GYPB: variants seen among roughly 807,000 people sequenced by gnomAD.
GYPB encodes glycophorin B (MNS blood group), also known as glycophorin-B.
In GYPB, 13 loss-of-function variants were observed where a neutral mutation model predicts 15.3. The ratio of observed to expected loss-of-function variants is 0.85; its 90% CI spans 0.55 to 1.35. GYPB has a LOEUF of 1.35. Ranked by LOEUF, GYPB falls within the 40% of genes most tolerant of loss-of-function variation. The pLI is 0.00. For synonymous variants in GYPB, 38 were observed against 36.9 expected (o/e 1.03, Z -0.11); for missense variants, 131 against 108.3 (o/e 1.21, Z -0.93).
chr4:144,017,617 A>T (rs879890547), intron 1 of GYPB, among the ~76,000 whole-genome samples: 52 of 148,816 alleles, frequency 3.5e-4, no homozygotes, highest in Non-Finnish European at 6.4e-4. Context: ...GTAGAAATTT[A>T]AAAAAAAAAT....
Position 144,002,713 on chromosome 4 carries a change from A to G in GYPB, c.38-1430T>C, listed in dbSNP as rs558986370. 8 of 1,285,290 alleles carry G rather than the reference A, an allele frequency of 6.2e-6. 1 individual carries two copies. Among genetic ancestry groups the G allele is most frequent in the South Asian group, 4.9e-5 (4 of 80,952 alleles). The allele number at this position is 1,285,290 out of a possible 1,614,324, so 79.6% of individuals were successfully genotyped here. On this transcript the variant is annotated intron_variant, in intron 1 of 4. Transcript: ENST00000502664. ...AAGTTTCCTGGAGAGCACACAAATA[A>G]CAGAAAACATCTTCTCTGACACCTC...
chr4:144,017,674 C>T (rs1728577502), intron 1 of GYPB, among the ~76,000 whole-genome samples: 3 of 151,314 alleles, frequency 2.0e-5, no homozygotes, highest in Admixed American at 6.6e-5. Flanking sequence ...ACTTGTAAGT[C>T]ACACAGAGTT....
intron 2 of GYPB, chr4:144,000,526 G>C (rs1727571152): frequency 2.2e-6 from 1 of 446,388 alleles, no homozygotes; most frequent in African/African-American, 2.2e-5. Context: ...TGACTGCGTG[G>C]ACATACAGCG....
At chr4:144,000,367 A>C in intron 2 of GYPB, 1 of 740,818 alleles carries the variant, frequency 1.3e-6, no homozygotes. Flanking sequence ...GAAACTATTT[A>C]AAACTAAGAA....
intron 1 of GYPB, among the ~76,000 whole-genome samples, chr4:144,013,559 C>T (rs1435563147): frequency 6.6e-6 from 1 of 151,134 alleles, no homozygotes; most frequent in Non-Finnish European, 1.5e-5. Context: ...GAAAATGTGG[C>T]ACATTTACAC....
At chr4:143,996,426 C>T in intron 4 of GYPB, 122 bp from the exon 5 acceptor site, 7 of 1,522,010 alleles carry the variant, frequency 4.6e-6, no homozygotes, top group Non-Finnish European at 6.2e-6. Flanking sequence ...TTGGAGGCTT[C>T]TAAAGGGTAC....
At chr4:144,015,944 C>A (rs1316625023) in intron 1 of GYPB, among the ~76,000 whole-genome samples, 2 of 150,824 alleles carry the variant, frequency 1.3e-5, no homozygotes, top group East Asian at 1.9e-4. Flanking sequence ...AAATTCTGGT[C>A]ATTTGTCATT....
chr4:144,009,159 A>G (rs1728081646), intron 1 of GYPB, among the ~76,000 whole-genome samples: 1 of 151,300 alleles, frequency 6.6e-6, no homozygotes, highest in Non-Finnish European at 1.5e-5. Flanking sequence ...GGATAAGCTC[A>G]TCAGTGTGTG....
At chr4:144,005,660 C>G (rs1038760403) in intron 1 of GYPB, among the ~76,000 whole-genome samples, 1 of 151,720 alleles carries the variant, frequency 6.6e-6, no homozygotes, top group Non-Finnish European at 1.5e-5. Flanking sequence ...TGAAAAATTT[C>G]ACTTCTCTCT....
At chr4:144,012,629 T>A (rs1162845821) in intron 1 of GYPB, 1 of 151,516 alleles carries the variant, frequency 6.6e-6, no homozygotes, top group Non-Finnish European at 1.5e-5. Context: ...ACAGACATAT[T>A]CTTCGGATAG....
At chr4:144,007,630 A>G (rs989534219) in intron 1 of GYPB, among the ~76,000 whole-genome samples, 7 of 151,564 alleles carry the variant, frequency 4.6e-5, no homozygotes, top group Non-Finnish European at 1.0e-4. Flanking sequence ...ATGGAAATCA[A>G]GATGAATTTC....
At chr4:143,999,569 G>T (rs1293276650) in intron 2 of GYPB, 120 bp from the exon 3 acceptor site, 2 of 619,228 alleles carry the variant, frequency 3.2e-6, no homozygotes, top group East Asian at 6.0e-5. Flanking sequence ...GAGAGTTGTT[G>T]GTCAACTTTC....
In GYPB at chr4:143,996,165, G is replaced by A; in HGVS notation, c.*134C>T. ...AGAGAATACAGTAATAGTGAGGCAG[G>A]AGAACAGGGAATTAGGATAGCCAGG... On this transcript the variant is annotated 3_prime_UTR_variant, in exon 5 of 5. Transcript: ENST00000502664. 6.6e-7 allele frequency: 1 copy of A among 1,524,028 alleles called. No individual in the cohort carries two copies. Among genetic ancestry groups the A allele is most frequent in the Non-Finnish European group, 8.8e-7 (1 of 1,130,428 alleles). 94.4% of individuals were successfully genotyped at this position (1,524,028 alleles called of 1,614,324 possible).
intron 1 of GYPB, chr4:144,016,894 C>T (rs12503691): frequency 0.3 from 103,663 of 349,556 alleles, 16,706 homozygotes; most frequent in East Asian, 0.54. Context: ...CCTTGTTCCA[C>T]GTTTAGCATA....
At position 144,019,233 on chromosome 4, in the gene GYPB, T is replaced by A. The variant is rs1177913264; in HGVS notation, c.37+18A>T. ...CATACCCAATATAACAGAACCAAGATGAAATAAAATCACTTACCTGACAAT... is the reference window on the plus strand; with the variant it reads ...CATACCCAATATAACAGAACCAAGAAGAAATAAAATCACTTACCTGACAAT... On this transcript the variant is annotated intron_variant, in intron 1 of 4. Transcript: ENST00000502664. 2.5e-6 allele frequency: 4 copies of A among 1,610,444 alleles called. No homozygotes were observed. In the African/African-American group the frequency reaches 4.1e-5, roughly 16 times the overall value.
chr4:144,008,479 G>T, intron 1 of GYPB: 1 of 455,218 alleles, frequency 2.2e-6, no homozygotes, highest in Non-Finnish European at 4.4e-6. Flanking sequence ...TTACGGAAGA[G>T]AAGATGGTTC....
At position 144,002,500 on chromosome 4, in the gene GYPB, G is replaced by C. The variant is rs376974810; in HGVS notation, c.38-1217C>G. 12 of 824,698 alleles carry C rather than the reference G, an allele frequency of 1.5e-5. No homozygotes were observed. The East Asian group carries it at 3.2e-4, about 22-fold the overall frequency. The allele number at this position is 824,698 out of a possible 1,614,324, so 51.1% of individuals were successfully genotyped here. On this transcript the variant is annotated intron_variant, in intron 1 of 4. Transcript: ENST00000502664. ...TCAGTCTCCTATTCTGTGCATTCATGTGTTTTTCACTCTTCTGAGAGTTAT... is the reference window on the plus strand; with the variant it reads ...TCAGTCTCCTATTCTGTGCATTCATCTGTTTTTCACTCTTCTGAGAGTTAT...
chr4:144,001,649 A>G (rs1170727973), intron 1 of GYPB, among the ~76,000 whole-genome samples: 1 of 151,236 alleles, frequency 6.6e-6, no homozygotes, highest in Non-Finnish European at 1.5e-5. Flanking sequence ...TGTATGTGTT[A>G]GTATAGTACT....
At chr4:144,015,548 A>G (rs1328106508) in intron 1 of GYPB, among the ~76,000 whole-genome samples, 2 of 151,474 alleles carry the variant, frequency 1.3e-5, no homozygotes, top group African/African-American at 4.9e-5. Flanking sequence ...AAATAGTCTC[A>G]TAGATGTTTT....
Sources: gnomAD v4.1 joint callset for allele counts (sites outside exome capture counted in the v4.1 genomes callset) on GRCh38, gnomAD v4.1.1 for gene constraint, MANE v1.5 for transcripts, NCBI Gene and HGNC (gene_info 2026-07-23, HGNC 2026-07-21) for gene names.